Variants in ANKRD33B observed in about 807,000 individuals in gnomAD.
ANKRD33B encodes the protein ankyrin repeat domain-containing protein 33B.
Under a neutral mutation model 21.5 loss-of-function variants are expected in ANKRD33B, and 6 were observed. The ratio of observed to expected loss-of-function variants is 0.28; its 90% CI spans 0.15 to 0.55. The LOEUF (loss-of-function observed/expected upper bound fraction) is 0.55, where lower values mean the gene tolerates loss of function less well. ANKRD33B is among the 20% of genes least tolerant of loss of function. ANKRD33B has a pLI of 0.94. For missense variants in ANKRD33B, 698 were observed against 747.2 expected, an observed-to-expected ratio of 0.93 and a Z score of 0.77; for synonymous variants, 347 against 342.4, an observed-to-expected ratio of 1.01 and a Z score of -0.15.
At chr5:10,586,863 G>C (rs1312384846) in intron 1 of ANKRD33B, among the ~76,000 whole-genome samples, 1 of 152,036 alleles carries the variant, frequency 6.6e-6, no homozygotes, top group Non-Finnish European at 1.5e-5. Flanking sequence ...GTGTTGCCTG[G>C]CTTTTAAATC....
chr5:10,643,515 A>G (rs923493177), intron 3 of ANKRD33B, among the ~76,000 whole-genome samples: 8 of 152,002 alleles, frequency 5.3e-5, no homozygotes, highest in Non-Finnish European at 1.0e-4. Flanking sequence ...TCCTCCCTCA[A>G]ATAAAAGTGT....
intron 1 of ANKRD33B, among the ~76,000 whole-genome samples, chr5:10,607,789 G>C (rs1199465238): frequency 6.6e-6 from 1 of 152,204 alleles, no homozygotes. Context: ...TGGACGATGA[G>C]CTTCCAGCTG....
At chr5:10,591,194 G>GTTTTTTTTT (rs749837253) in intron 1 of ANKRD33B, among the ~76,000 whole-genome samples, 4,904 of 111,774 alleles carry the variant, frequency 0.044, 628 homozygotes, top group Middle Eastern at 0.054. Flanking sequence ...TTTTTTTAGT[G>GTTTTTTTTT]GTTTTTTTTT....
chr5:10,588,754 T>C (rs1048831387), intron 1 of ANKRD33B, among the ~76,000 whole-genome samples: 2 of 152,144 alleles, frequency 1.3e-5, no homozygotes, highest in Admixed American at 6.5e-5. Flanking sequence ...GGGAAAACAA[T>C]GTGGAAAAAA....
rs918903120 is a variant in ANKRD33B at position 10,653,628 on chromosome 5, A to G, written c.*3515A>G. ...AAACACCCCCTCGTCTTCCTGAGCC[A>G]TTTGGAAGCCCTTTCCTCTAGCCCT... On this transcript the variant is annotated 3_prime_UTR_variant, in exon 4 of 4. Transcript: ENST00000296657. 6.6e-6 allele frequency: 1 copy of G among 152,356 alleles called. No homozygotes were observed. The allele number at this position is 152,356 out of a possible 1,614,324, so 9.4% of individuals were successfully genotyped here.
At chr5:10,603,869 C>T (rs1425061851) in intron 1 of ANKRD33B, among the ~76,000 whole-genome samples, 1 of 149,216 alleles carries the variant, frequency 6.7e-6, no homozygotes, top group Non-Finnish European at 1.5e-5. Flanking sequence ...TTTTTTTAAA[C>T]TTTTTAAAAT....
chr5:10,635,680 CCTT>C (rs1046886431), intron 2 of ANKRD33B, among the ~76,000 whole-genome samples: 6 of 152,200 alleles, frequency 3.9e-5, no homozygotes, highest in South Asian at 2.1e-4. Flanking sequence ...GTTGCCTGTT[CCTT>C]CTTCTTTTGG....
At chr5:10,602,059 G>A (rs56298730) in intron 1 of ANKRD33B, among the ~76,000 whole-genome samples, 54,557 of 152,172 alleles carry the variant, frequency 0.36, 11,322 homozygotes, top group East Asian at 0.6. Flanking sequence ...AGGTGGGTGC[G>A]TTGCCCCACT....
chr5:10,574,764 C>G (rs1393129365), intron 1 of ANKRD33B, among the ~76,000 whole-genome samples: 1 of 151,950 alleles, frequency 6.6e-6, no homozygotes, highest in Non-Finnish European at 1.5e-5. Flanking sequence ...AAAAGAGATC[C>G]TGTAAGAATG....
chr5:10,615,478 A>T (rs941483203), intron 1 of ANKRD33B, among the ~76,000 whole-genome samples: 1 of 152,212 alleles, frequency 6.6e-6, no homozygotes, highest in African/African-American at 2.4e-5. Flanking sequence ...TGACAATTCT[A>T]CCCCACATAG....
chr5:10,630,870 C>CAAAA (rs34531639), intron 2 of ANKRD33B, among the ~76,000 whole-genome samples: 2,424 of 119,018 alleles, frequency 0.02, 73 homozygotes, highest in Admixed American at 0.074. Flanking sequence ...GAGACTGTGT[C>CAAAA]AAAAAAAAAA....
chr5:10,591,157 C>T (rs1038932197), intron 1 of ANKRD33B, among the ~76,000 whole-genome samples: 1 of 149,434 alleles, frequency 6.7e-6, no homozygotes, highest in Non-Finnish European at 1.5e-5. Context: ...GTTTCTAAGC[C>T]AGGTTTATAG....
Position 10,656,267 on chromosome 5 carries a change from T to A in ANKRD33B, c.*6154T>A, listed in dbSNP as rs1355906371. 6.6e-6 allele frequency: 1 copy of A among 152,366 alleles called. No individual in the cohort carries two copies. The highest frequency in any genetic ancestry group is 2.4e-5 in the African/African-American group (1 of 41,456). The allele number at this position is 152,366 out of a possible 1,614,324, so 9.4% of individuals were successfully genotyped here. ...CACACAGTACCTGGATTGTTTTGAC[T>A]TATTTTCAAGCGACTCAGCTGAAAG... On this transcript the variant is annotated 3_prime_UTR_variant, in exon 4 of 4. Transcript: ENST00000296657.
At chr5:10,617,901 C>A (rs141719640) in intron 1 of ANKRD33B, among the ~76,000 whole-genome samples, 86 of 152,308 alleles carry the variant, frequency 5.6e-4, no homozygotes, top group African/African-American at 2.1e-3. Flanking sequence ...TTGCCTCTTT[C>A]ACACACGGAC....
chr5:10,611,083 G>T (rs1222117928), intron 1 of ANKRD33B, among the ~76,000 whole-genome samples: 2 of 152,060 alleles, frequency 1.3e-5, no homozygotes, highest in African/African-American at 4.8e-5. Flanking sequence ...ATTGTTTATG[G>T]ATACATGCAT....
At position 10,619,589 on chromosome 5, in the gene ANKRD33B, G is replaced by A. The variant is rs541667542; in HGVS notation, c.496+1127G>A. On this transcript the variant is annotated intron_variant, in intron 2 of 3. Coordinates refer to ENST00000296657, the MANE Select transcript of ANKRD33B (RefSeq NM_001164440.2). This position sits in a 1 kb window ranked among gnomAD's most constrained non-coding sequence, Gnocchi z 4.5. ...CTACTTTTCAATCAAGACGAATAGA[G>A]TGGGGGAACTCTTCAAACTTAGAAA... is the stretch of plus-strand genomic sequence containing the variant. Among the ~76,000 whole-genome samples the A allele has an allele frequency of 6.6e-6, 1 of 152,206 alleles. No individual in the cohort carries two copies. Among genetic ancestry groups the A allele is most frequent in the South Asian group, 2.1e-4 (1 of 4,832 alleles).
chr5:10,612,374 G>A (rs1010511070), intron 1 of ANKRD33B, among the ~76,000 whole-genome samples: 1 of 152,190 alleles, frequency 6.6e-6, no homozygotes, highest in Non-Finnish European at 1.5e-5. Context: ...GCAGCTCTCT[G>A]GGTCCTCTTG....
chr5:10,649,418 C>T lies in ANKRD33B; in HGVS notation c.790C>T (p.Pro264Ser), dbSNP rs1579762456. 6.5e-7 allele frequency: 1 copy of T among 1,535,396 alleles called. No individual in the cohort carries two copies. The highest frequency in any genetic ancestry group is 1.2e-5 in the South Asian group (1 of 84,020). ...QFWEKYRPEL[P>S]PPPEAARKPA... ...CTGGGAGAAGTACCGGCCCGAGCTG[C>T]CGCCGCCCCCTGAAGCGGCGCGGAA... Residue 264 changes from proline to serine, a missense_variant, in exon 4 of 4, where the codon CCG becomes TCG. Coordinates refer to ENST00000296657, the MANE Select transcript of ANKRD33B (RefSeq NM_001164440.2).
chr5:10,586,484 ACTGTGT>A (rs1735562613), intron 1 of ANKRD33B, among the ~76,000 whole-genome samples: 1 of 74,452 alleles, frequency 1.3e-5, no homozygotes, highest in Non-Finnish European at 2.7e-5. Flanking sequence ...GGTTCTTGTA[ACTGTGT>A]GTGTGTGTGT....
Sources: gnomAD v4.1 joint callset for allele counts (sites outside exome capture counted in the v4.1 genomes callset) on GRCh38, gnomAD v4.1.1 for gene constraint, Gnocchi (gnomAD v3.1) non-coding constraint, MANE v1.5 for transcripts, NCBI Gene and HGNC (gene_info 2026-07-23, HGNC 2026-07-21) for gene names.